Variants in DCP2 observed in about 807,000 individuals in gnomAD.
DCP2 encodes m7GpppN-mRNA hydrolase.
Under a neutral mutation model 56.1 loss-of-function variants are expected in DCP2, and 30 were observed. The observed-to-expected ratio is 0.53, with a 90% confidence interval of 0.40 to 0.73. The LOEUF is 0.73. Among genes scored for constraint, DCP2 ranks in the 30% least tolerant of loss-of-function variants. DCP2 has a pLI of 0.00. For synonymous variants in DCP2, 197 were observed against 163.3 expected (o/e 1.21, Z -1.57); for missense variants, 533 against 502.7 (o/e 1.06, Z -0.58).
At chr5:113,011,739 T>C (rs1023531331) in intron 10 of DCP2, among the ~76,000 whole-genome samples, 1 of 152,222 alleles carries the variant, frequency 6.6e-6, no homozygotes, top group Non-Finnish European at 1.5e-5. Flanking sequence ...ATTTTTGTTT[T>C]TGTTACCTGT....
In DCP2 at chr5:113,011,339, A is replaced by G. The variant is rs1181088756; in HGVS notation, c.1099+532A>G. On this transcript the variant is annotated intron_variant, in intron 10 of 10. Coordinates refer to ENST00000389063, the MANE Select transcript of DCP2 (RefSeq NM_152624.6). Reference sequence around the variant, plus strand: ...ATGAGTTTTATTAAAGATACTTGCAATTTCTCCTTCCTCGGTTATGAAAAC... The same window carrying G: ...ATGAGTTTTATTAAAGATACTTGCAGTTTCTCCTTCCTCGGTTATGAAAAC... 2.6e-5 allele frequency among the ~76,000 whole-genome samples: 4 copies of G among 152,286 alleles called. No homozygotes were observed. The East Asian group carries it at 7.7e-4, about 29-fold the overall frequency.
In DCP2 at chr5:113,020,217, T is replaced by C. The variant is rs1270406454; in HGVS notation, c.*6733T>C. 6.6e-6 allele frequency: 1 copy of C among 152,218 alleles called. No individual in the cohort carries two copies. Among genetic ancestry groups the C allele is most frequent in the Non-Finnish European group, 1.5e-5 (1 of 68,032 alleles). The allele number at this position is 152,218 out of a possible 1,614,324, so 9.4% of individuals were successfully genotyped here. A position where few individuals can be genotyped will look rare whatever the true frequency, so the allele number is the denominator to read the frequency against. ...TATGGTCAATGAAAAAACCAGACTT[T>C]AGAGTAAATGTGATAACCAAGTAGA... On this transcript the variant is annotated 3_prime_UTR_variant, in exon 11 of 11. Transcript: ENST00000389063.
rs887737974 is a variant in DCP2, at chr5:113,020,357, C to T, written c.*6873C>T. ...TTTTACCTTATAGGGCATTTTAATG[C>T]TTGGAGAAAGACTATAAGTGAATCT... On this transcript the variant is annotated 3_prime_UTR_variant, in exon 11 of 11. Transcript: ENST00000389063. The T allele has an allele frequency of 2.9e-4, 35 of 121,070 alleles. No homozygotes were observed. The highest frequency in any genetic ancestry group is 9.2e-4 in the African/African-American group (35 of 38,210). The allele number at this position is 121,070 out of a possible 1,614,324, so 7.5% of individuals were successfully genotyped here.
chr5:112,991,406 A>G (rs763987018), intron 2 of DCP2, among the ~76,000 whole-genome samples: 1 of 152,148 alleles, frequency 6.6e-6, no homozygotes, highest in Non-Finnish European at 1.5e-5. Context: ...GATTTTACTT[A>G]CTTTACTATT....
rs1006718268 is a variant in DCP2, at chr5:113,016,226, G to A, written c.*2742G>A. On this transcript the variant is annotated 3_prime_UTR_variant, in exon 11 of 11. Coordinates refer to ENST00000389063, the MANE Select transcript of DCP2 (RefSeq NM_152624.6). ...GCTTTTCAAAAATTTTTGTTAAGAA[G>A]TAGCAAATGAATGGTTTAGGATTTC... 2.0e-5 allele frequency: 3 copies of A among 152,620 alleles called. No individual in the cohort carries two copies. Among genetic ancestry groups the A allele is most frequent in the African/African-American group, 7.2e-5 (3 of 41,446 alleles). 9.5% of individuals were successfully genotyped at this position (152,620 alleles called of 1,614,324 possible).
intron 2 of DCP2, among the ~76,000 whole-genome samples, chr5:112,986,472 C>G (rs1180306640): frequency 6.6e-6 from 1 of 151,900 alleles, no homozygotes; most frequent in Non-Finnish European, 1.5e-5. Context: ...GTGGCTGTGA[C>G]TACAGGCATG....
At chr5:112,991,838 C>A (rs1194538265) in intron 2 of DCP2, among the ~76,000 whole-genome samples, 2 of 152,086 alleles carry the variant, frequency 1.3e-5, no homozygotes, top group Non-Finnish European at 2.9e-5. Context: ...ACTGTGAGTA[C>A]TAAAAACTTG....
chr5:113,012,721 G>T (rs1749728450), intron 10 of DCP2, among the ~76,000 whole-genome samples: 1 of 152,076 alleles, frequency 6.6e-6, no homozygotes, highest in Non-Finnish European at 1.5e-5. Flanking sequence ...TCAGCTTACT[G>T]CAGCCTCCGC....
At chr5:112,987,967 G>A (rs931413313) in intron 2 of DCP2, among the ~76,000 whole-genome samples, 5 of 152,032 alleles carry the variant, frequency 3.3e-5, no homozygotes, top group African/African-American at 9.7e-5. Context: ...TAATGGATTT[G>A]TACCCACAAG....
intron 1 of DCP2, among the ~76,000 whole-genome samples, chr5:112,982,913 T>A (rs1039105905): frequency 4.6e-5 from 7 of 152,030 alleles, no homozygotes; most frequent in Admixed American, 3.9e-4. Context: ...ATTTGGGAGG[T>A]TTATTCATTA....
intron 4 of DCP2, among the ~76,000 whole-genome samples, chr5:112,995,123 G>C (rs1250406624): frequency 1.3e-5 from 2 of 152,154 alleles, no homozygotes; most frequent in East Asian, 3.8e-4. Flanking sequence ...AAAAATGATT[G>C]AAAATGCTGT....
chr5:113,006,072 C>A (rs1292837412), intron 8 of DCP2, among the ~76,000 whole-genome samples: 1 of 146,748 alleles, frequency 6.8e-6, no homozygotes, highest in Non-Finnish European at 1.5e-5. Context: ...GCTGTGGTGG[C>A]GCCATTGCAC....
At chr5:113,003,238 C>T (rs1243431601) in intron 7 of DCP2, among the ~76,000 whole-genome samples, 4 of 152,202 alleles carry the variant, frequency 2.6e-5, no homozygotes, top group South Asian at 2.1e-4. Flanking sequence ...TGAGCTACTG[C>T]GCTCAGCCTG....
At chr5:113,004,534 G>T (rs148737393) in intron 8 of DCP2, among the ~76,000 whole-genome samples, 1 of 152,136 alleles carries the variant, frequency 6.6e-6, no homozygotes, top group East Asian at 1.9e-4. Context: ...CACTGTTAAT[G>T]CACATTTTGG....
intron 7 of DCP2, among the ~76,000 whole-genome samples, chr5:113,003,208 A>G (rs933315552): frequency 3.9e-5 from 6 of 152,138 alleles, no homozygotes; most frequent in Non-Finnish European, 8.8e-5. Context: ...TGGCCTCCCA[A>G]AGTGCTGGGA....
intron 4 of DCP2, among the ~76,000 whole-genome samples, chr5:112,997,035 G>A (rs1748891115): frequency 6.6e-6 from 1 of 152,230 alleles, no homozygotes; most frequent in Non-Finnish European, 1.5e-5. Flanking sequence ...TTCTTCTAAA[G>A]GTTAAAGCAG....
At chr5:113,004,706 C>T (rs1236871490) in intron 8 of DCP2, among the ~76,000 whole-genome samples, 1 of 152,066 alleles carries the variant, frequency 6.6e-6, no homozygotes, top group Non-Finnish European at 1.5e-5. Flanking sequence ...TGCTAATTTA[C>T]TCAAGTTATT....
chr5:112,993,117 T>C (rs1245708167), intron 4 of DCP2, among the ~76,000 whole-genome samples: 1 of 152,172 alleles, frequency 6.6e-6, no homozygotes, highest in African/African-American at 2.4e-5. Context: ...CTTGGCTTCC[T>C]GACAAGTGCA....
In DCP2 at chr5:113,021,553, T is replaced by G. The variant is rs1001457540; in HGVS notation, c.*8069T>G. On this transcript the variant is annotated 3_prime_UTR_variant, in exon 11 of 11. Transcript: ENST00000389063. ...AATCCAGCAATTCTTAAGTTTGTGC[T>G]AGAATCAGGTTTTGCAATAGGAATA... Among the ~76,000 whole-genome samples the G allele has an allele frequency of 1.3e-5, 2 of 152,220 alleles. No homozygotes were observed. Among genetic ancestry groups the G allele is most frequent in the African/African-American group, 4.8e-5 (2 of 41,458 alleles).
Sources: allele counts gnomAD v4.1 joint callset (sites outside exome capture counted in the v4.1 genomes callset), GRCh38; gene constraint gnomAD v4.1.1; transcripts MANE v1.5; gene names NCBI Gene and HGNC (gene_info 2026-07-23, HGNC 2026-07-21).